RHEB: variants seen among roughly 807,000 people sequenced by gnomAD.
RHEB encodes Ras homolog, mTORC1 binding, also known as GTP-binding protein Rheb.
In RHEB, 2 loss-of-function variants were observed where a neutral mutation model predicts 28.8. The observed-to-expected ratio is 0.07, with a 90% CI of 0.03 to 0.22. The LOEUF (loss-of-function observed/expected upper bound fraction) is 0.22, where lower values mean the gene tolerates loss of function less well. RHEB is among the 10% of genes least tolerant of loss of function. The pLI is 1.00. For synonymous variants in RHEB, 69 were observed against 77.3 expected, an observed-to-expected ratio of 0.89 and a Z score of 0.56; for missense variants, 76 against 219.9, an observed-to-expected ratio of 0.35 and a Z score of 4.14.
chr7:151,493,460 T>C (rs1563096892), intron 1 of RHEB, among the ~76,000 whole-genome samples: 1 of 152,240 alleles, frequency 6.6e-6, no homozygotes, highest in Non-Finnish European at 1.5e-5. Flanking sequence ...TTAAGTTATT[T>C]GGAATGATAT....
intron 4 of RHEB, among the ~76,000 whole-genome samples, chr7:151,476,968 C>G (rs1460034409): frequency 6.6e-6 from 1 of 152,210 alleles, no homozygotes; most frequent in Non-Finnish European, 1.5e-5. Context: ...AGATATTGAA[C>G]AAACCCAAAC....
chr7:151,519,240 G>A (rs1287058825), intron 1 of RHEB: 4 of 210,030 alleles, frequency 1.9e-5, no homozygotes, highest in Non-Finnish European at 3.6e-5. Flanking sequence ...CTGCCCGCCC[G>A]GCCCGCGGAG....
chr7:151,491,833 G>A (rs1802587660), intron 1 of RHEB, among the ~76,000 whole-genome samples: 2 of 152,108 alleles, frequency 1.3e-5, no homozygotes, highest in Non-Finnish European at 2.9e-5. Context: ...AGTATGAAAG[G>A]CCTAGCAGTA....
intron 1 of RHEB, among the ~76,000 whole-genome samples, chr7:151,511,432 C>T (rs752591358): frequency 2.8e-4 from 42 of 152,168 alleles, no homozygotes; most frequent in Admixed American, 1.0e-3. Flanking sequence ...CATGACACTT[C>T]GGAGTGAATT....
chr7:151,493,478 G>A (rs1281706213), intron 1 of RHEB, among the ~76,000 whole-genome samples: 1 of 152,178 alleles, frequency 6.6e-6, no homozygotes, highest in Admixed American at 6.5e-5. Context: ...TATTCATTTA[G>A]TGAACACTCC....
At chr7:151,475,460 A>G (rs547770246) in intron 4 of RHEB, among the ~76,000 whole-genome samples, 2 of 152,362 alleles carry the variant, frequency 1.3e-5, no homozygotes, top group African/African-American at 4.8e-5. Context: ...ATGGAAATTC[A>G]TAAACAAACA....
rs908886958 is a variant in RHEB at position 151,475,539 on chromosome 7, G to GTA, written c.275+1792_275+1793dup. 9.2e-5 allele frequency among the ~76,000 whole-genome samples: 14 copies of GTA among 152,260 alleles called. No individual in the cohort carries two copies. The East Asian group carries it at 1.7e-3, about 19-fold the overall frequency. ...TCTGGACAAGGCCTTACACGTGGCA[G>GTA]TATATACATTTTAAAAATATACAAC... On this transcript the variant is annotated intron_variant, in intron 4 of 7. Coordinates refer to ENST00000262187, the MANE Select transcript of RHEB (RefSeq NM_005614.4).
intron 1 of RHEB, among the ~76,000 whole-genome samples, chr7:151,495,344 C>T (rs1233121832): frequency 6.6e-6 from 1 of 152,216 alleles, no homozygotes; most frequent in Non-Finnish European, 1.5e-5. Flanking sequence ...GTTTAAAAGG[C>T]AGTATCTCAA....
Position 151,507,679 on chromosome 7 carries a change from A to C in RHEB, c.52+11781T>G, listed in dbSNP as rs1460235755. 2.0e-5 allele frequency among the ~76,000 whole-genome samples: 3 copies of C among 152,324 alleles called. No individual in the cohort carries two copies. The East Asian group carries it at 5.8e-4, about 29-fold the overall frequency. On this transcript the variant is annotated intron_variant, in intron 1 of 7. Coordinates refer to ENST00000262187, the MANE Select transcript of RHEB (RefSeq NM_005614.4). ...CCCAATTTTAAAAATAGATGCTGGGAGATTTTAAAAAAAAGAAAAAATTAA... is the reference window on the plus strand; with the variant it reads ...CCCAATTTTAAAAATAGATGCTGGGCGATTTTAAAAAAAAGAAAAAATTAA...
At chr7:151,476,811 C>A (rs1440993358) in intron 4 of RHEB, among the ~76,000 whole-genome samples, 1 of 152,204 alleles carries the variant, frequency 6.6e-6, no homozygotes, top group Non-Finnish European at 1.5e-5. Context: ...CCTGATAATA[C>A]ATGCCATCCC....
chr7:151,490,971 C>T lies in RHEB; in HGVS notation c.96G>A (p.Val32=). ...LTIQFVEGQF[V]DSYDPTIENT... is the part of the protein sequence containing the mutation. Reference sequence around the variant, plus strand: ...TTTCTATGGTTGGATCGTAGGAGTCCACAAATTGGCCTTCAACAAATTGAA... The same window carrying T: ...TTTCTATGGTTGGATCGTAGGAGTCTACAAATTGGCCTTCAACAAATTGAA... The change falls in exon 2 of 8, where the codon GTG becomes GTA. Residue 32 remains valine (V), a synonymous_variant. Coordinates refer to ENST00000262187, the MANE Select transcript of RHEB (RefSeq NM_005614.4). The T allele has an allele frequency of 6.2e-7, 1 of 1,612,642 alleles. No individual in the cohort carries two copies. Among genetic ancestry groups the T allele is most frequent in the South Asian group, 1.1e-5 (1 of 91,022 alleles).
intron 2 of RHEB, 57 bp from the exon 3 acceptor site, chr7:151,484,861 G>A (rs897158317): frequency 1.1e-5 from 13 of 1,221,380 alleles, no homozygotes; most frequent in Non-Finnish European, 9.6e-6. Flanking sequence ...GAAACCACCT[G>A]AAGTTTGAAC....
At chr7:151,486,110 C>T (rs1365482780) in intron 2 of RHEB, among the ~76,000 whole-genome samples, 1 of 152,204 alleles carries the variant, frequency 6.6e-6, no homozygotes, top group African/African-American at 2.4e-5. Context: ...CTGGAGGTTT[C>T]AGTCCTTGTC....
At chr7:151,501,091 A>C (rs987051043) in intron 1 of RHEB, among the ~76,000 whole-genome samples, 15 of 152,252 alleles carry the variant, frequency 9.9e-5, no homozygotes, top group African/African-American at 3.4e-4. Context: ...TCTGAGGTAT[A>C]AAATCCAAAG....
intron 1 of RHEB, among the ~76,000 whole-genome samples, chr7:151,495,407 C>T (rs1210675480): frequency 6.6e-6 from 1 of 152,178 alleles, no homozygotes; most frequent in Non-Finnish European, 1.5e-5. Context: ...CCCACCTTAA[C>T]TTTTAAAAAT....
intron 1 of RHEB, among the ~76,000 whole-genome samples, chr7:151,505,364 C>T (rs919281374): frequency 3.3e-5 from 5 of 152,148 alleles, no homozygotes; most frequent in Non-Finnish European, 5.9e-5. Context: ...CTTGAACAGA[C>T]ACTTCACAAA....
At chr7:151,509,571 T>C (rs1802947582) in intron 1 of RHEB, among the ~76,000 whole-genome samples, 1 of 152,164 alleles carries the variant, frequency 6.6e-6, no homozygotes, top group Non-Finnish European at 1.5e-5. Flanking sequence ...TCATCTCATC[T>C]ACTCTGCGCC....
chr7:151,480,255 C>T (rs770433539), intron 3 of RHEB, among the ~76,000 whole-genome samples: 2 of 152,140 alleles, frequency 1.3e-5, no homozygotes, highest in Admixed American at 1.3e-4. Context: ...CAGCAACAGT[C>T]TAACTGTTGA....
chr7:151,502,657 G>C, intron 1 of RHEB: 1 of 1,608,668 alleles, frequency 6.2e-7, no homozygotes, highest in African/African-American at 1.3e-5. Context: ...TGCACTTTTT[G>C]GCACACTCCA....
Sources: allele counts gnomAD v4.1 joint callset (sites outside exome capture counted in the v4.1 genomes callset), GRCh38; gene constraint gnomAD v4.1.1; transcripts MANE v1.5; gene names NCBI Gene and HGNC (gene_info 2026-07-23, HGNC 2026-07-21).